The following PDE4D variants were observed in gnomAD, a reference collection of about 807,000 sequenced individuals.
PDE4D encodes 3',5'-cyclic-AMP phosphodiesterase 4D.
A neutral mutation model predicts 87.4 loss-of-function variants in PDE4D; 24 were observed. That is an observed-to-expected ratio of 0.27 (90% confidence interval 0.20 to 0.39). The LOEUF (loss-of-function observed/expected upper bound fraction) is 0.39. Ranked by LOEUF, PDE4D falls within the 10% of genes least tolerant of loss-of-function variation. PDE4D has a pLI of 1.00. For missense variants in PDE4D, 714 were observed against 1,041.0 expected (o/e 0.69, Z 4.32); for synonymous variants, 384 against 383.2 (o/e 1.00, Z -0.02).
At chr5:59,132,973 C>A (rs537147573) in intron 5 of PDE4D, among the ~76,000 whole-genome samples, 1 of 152,242 alleles carries the variant, frequency 6.6e-6, no homozygotes, top group South Asian at 2.1e-4. Flanking sequence ...GCATTATGAC[C>A]AGTGTATGTC....
chr5:59,307,368 A>G (rs1771600505), intron 1 of PDE4D, among the ~76,000 whole-genome samples: 1 of 150,514 alleles, frequency 6.6e-6, no homozygotes, highest in Non-Finnish European at 1.5e-5. Flanking sequence ...ATGGGATCTA[A>G]TTAAACTAAA....
chr5:60,276,937 T>C (rs1751429298), intron 1 of PDE4D, among the ~76,000 whole-genome samples: 2 of 152,050 alleles, frequency 1.3e-5, no homozygotes, highest in Non-Finnish European at 2.9e-5. Flanking sequence ...ATCATTATAT[T>C]TGAAGTGAGT....
chr5:59,695,884 C>CA (rs765962578), intron 1 of PDE4D, among the ~76,000 whole-genome samples: 4 of 152,196 alleles, frequency 2.6e-5, no homozygotes, highest in Non-Finnish European at 5.9e-5. Flanking sequence ...GCTGAGATTA[C>CA]AGGCATGAGA....
intron 5 of PDE4D, among the ~76,000 whole-genome samples, chr5:59,087,480 T>C (rs1767923141): frequency 6.6e-6 from 1 of 151,946 alleles, no homozygotes; most frequent in African/African-American, 2.4e-5. Flanking sequence ...CAAGACCCTA[T>C]CTCAATAAAT....
chr5:59,905,094 T>C (rs1752678179), intron 3 of PDE4D, among the ~76,000 whole-genome samples: 1 of 152,102 alleles, frequency 6.6e-6, no homozygotes, highest in Admixed American at 6.6e-5. Context: ...AGAAGAAGGA[T>C]ATGAACCATT....
At chr5:59,930,572 A>C (rs1358351664) in intron 3 of PDE4D, among the ~76,000 whole-genome samples, 2 of 152,172 alleles carry the variant, frequency 1.3e-5, no homozygotes, top group African/African-American at 4.8e-5. Flanking sequence ...TGAGAGAATA[A>C]ATTTCTGTTG....
intron 1 of PDE4D, among the ~76,000 whole-genome samples, chr5:60,391,631 T>C (rs765766073): frequency 8.5e-5 from 13 of 152,302 alleles, no homozygotes; most frequent in Non-Finnish European, 1.6e-4. Flanking sequence ...TTCCCTCTCT[T>C]TTCCTGCCTA....
intron 1 of PDE4D, among the ~76,000 whole-genome samples, chr5:59,447,692 A>G (rs1020819822): frequency 9.9e-5 from 15 of 152,240 alleles, no homozygotes; most frequent in African/African-American, 3.4e-4. Flanking sequence ...AATTAATTTG[A>G]AAGAATCTGA....
At chr5:60,321,891 C>T (rs1233020500) in intron 1 of PDE4D, among the ~76,000 whole-genome samples, 1 of 127,088 alleles carries the variant, frequency 7.9e-6, no homozygotes, top group Non-Finnish European at 1.6e-5. Context: ...TCAAAAAATA[C>T]TGTTTTTTTT....
intron 1 of PDE4D, among the ~76,000 whole-genome samples, chr5:59,481,270 T>A (rs1433080920): frequency 6.6e-6 from 1 of 151,892 alleles, no homozygotes; most frequent in African/African-American, 2.4e-5. Flanking sequence ...TTAATGACAG[T>A]GGAGGGAAAG....
At chr5:59,826,971 G>T (rs1365453626) in intron 1 of PDE4D, among the ~76,000 whole-genome samples, 3 of 152,022 alleles carry the variant, frequency 2.0e-5, no homozygotes, top group Non-Finnish European at 4.4e-5. Context: ...AGGATTGATA[G>T]AATTGAATCT....
chr5:60,332,125 G>A (rs1323160309), intron 1 of PDE4D, among the ~76,000 whole-genome samples: 1 of 152,162 alleles, frequency 6.6e-6, no homozygotes, highest in Non-Finnish European at 1.5e-5. Flanking sequence ...TGACAACTTA[G>A]AGGTGGAAAA....
At chr5:59,190,339 T>A (rs1003237016) in intron 3 of PDE4D, among the ~76,000 whole-genome samples, 1 of 152,218 alleles carries the variant, frequency 6.6e-6, no homozygotes, top group Admixed American at 6.5e-5. Context: ...TTTCTTTTTC[T>A]TATTATTTTT....
At chr5:59,178,374 T>G (rs1026160239) in intron 5 of PDE4D, among the ~76,000 whole-genome samples, 3 of 152,198 alleles carry the variant, frequency 2.0e-5, no homozygotes, top group African/African-American at 7.2e-5. Flanking sequence ...GGTATTTCTG[T>G]GTCCCCCTTG....
intron 1 of PDE4D, among the ~76,000 whole-genome samples, chr5:60,343,654 G>T (rs369358686): frequency 8.6e-5 from 13 of 151,816 alleles, no homozygotes; most frequent in East Asian, 5.8e-4. Context: ...GCTGTGTTTG[G>T]CTACAAGACT....
At position 60,206,754 on chromosome 5, in the gene PDE4D, A is replaced by C. The variant is rs966220; in HGVS notation, c.-89-21067T>G. The stretch of plus-strand genomic sequence containing the variant: ...TATTAATAGCAGGACTCATACCTAT[A>C]CAGGATGAAAAGCCAAGTATTTGTA... On this transcript the variant is annotated intron_variant, in intron 1 of 16. Transcript: ENST00000502484. Among the ~76,000 whole-genome samples the C allele has an allele frequency of 1.5e-3, 235 of 152,346 alleles. 1 individual carries two copies. The highest frequency in any genetic ancestry group is 5.5e-3 in the African/African-American group (227 of 41,590).
At chr5:60,391,836 A>C (rs576591050) in intron 1 of PDE4D, among the ~76,000 whole-genome samples, 8 of 152,338 alleles carry the variant, frequency 5.3e-5, no homozygotes, top group Admixed American at 5.2e-4. Context: ...CCTCTTGAGC[A>C]ACCTAAGAAG....
At chr5:60,283,706 C>T (rs185266464) in intron 1 of PDE4D, among the ~76,000 whole-genome samples, 1 of 152,086 alleles carries the variant, frequency 6.6e-6, no homozygotes, top group East Asian at 1.9e-4. Context: ...GGAAAGAACA[C>T]ATAAAAAAAT....
intron 2 of PDE4D, chr5:60,185,510 T>C: frequency 7.8e-7 from 1 of 1,276,692 alleles, no homozygotes; most frequent in South Asian, 1.3e-5. Context: ...ACTAAAATGT[T>C]ATATGTACAT....
Sources: allele counts gnomAD v4.1 joint callset (sites outside exome capture counted in the v4.1 genomes callset), GRCh38; gene constraint gnomAD v4.1.1; transcripts MANE v1.5; gene names NCBI Gene and HGNC (gene_info 2026-07-23, HGNC 2026-07-21).